CTTNBP2: variants seen among roughly 807,000 people sequenced by gnomAD.
The protein encoded by CTTNBP2 is cortactin-binding protein 2.
CTTNBP2 carries 108 observed loss-of-function variants against 156.9 expected under a neutral mutation model. The observed-to-expected ratio is 0.69, with a 90% confidence interval of 0.59 to 0.81. The LOEUF is 0.81. Among genes scored for constraint, CTTNBP2 ranks in the 30% least tolerant of loss-of-function variants. The pLI is 0.00. For synonymous variants in CTTNBP2, 767 were observed against 751.8 expected (o/e 1.02, Z -0.33); for missense variants, 1,924 against 2,035.4 (o/e 0.95, Z 1.05).
intron 10 of CTTNBP2, among the ~76,000 whole-genome samples, chr7:117,758,367 T>C (rs1017599330): frequency 2.3e-4 from 35 of 152,110 alleles, no homozygotes; most frequent in African/African-American, 7.9e-4. Flanking sequence ...AGATCATTTA[T>C]GATCTGGTCC....
At chr7:117,861,083 C>T in intron 2 of CTTNBP2, 126 bp downstream of exon 2, 1 of 640,158 alleles carries the variant, frequency 1.6e-6, no homozygotes, top group Non-Finnish European at 2.8e-6. Flanking sequence ...GTGAAGAGCA[C>T]ATTTTGACCT....
intron 2 of CTTNBP2, among the ~76,000 whole-genome samples, chr7:117,813,807 A>G (rs1313495477): frequency 1.3e-5 from 2 of 152,298 alleles, no homozygotes; most frequent in East Asian, 1.9e-4. Context: ...TCACAGCACA[A>G]TTCTCTGCAG....
rs529209464 is a variant in CTTNBP2, at chr7:117,865,490, G to A, written c.82-4174C>T. ...AGCCTGGGCAACATGGTGAAACCCC[G>A]TCTCTACTAAAATACAAAAAAAAAA... On this transcript the variant is annotated intron_variant, in intron 1 of 22. Coordinates refer to ENST00000160373, the MANE Select transcript of CTTNBP2 (RefSeq NM_033427.3). Among the ~76,000 whole-genome samples the A allele has an allele frequency of 5.3e-3, 791 of 149,466 alleles. 8 individuals carry two copies. The highest frequency in any genetic ancestry group is 0.017 in the African/African-American group (694 of 40,602).
rs35097363 is a variant in CTTNBP2 at position 117,867,203 on chromosome 7, A to G, written c.82-5887T>C. On this transcript the variant is annotated intron_variant, in intron 1 of 22. Coordinates refer to ENST00000160373, the MANE Select transcript of CTTNBP2 (RefSeq NM_033427.3). ...TTATCTTCCCGATTTCTCTCTCTAC[A>G]AGGAGGAAAGAATTTTTGTGATGGG... 4.0e-3 allele frequency among the ~76,000 whole-genome samples: 603 copies of G among 152,272 alleles called. 5 individuals are homozygous for G. Among genetic ancestry groups the G allele is most frequent in the African/African-American group, 0.014 (579 of 41,562 alleles).
chr7:117,725,065 G>A lies in CTTNBP2; in HGVS notation c.4248C>T (p.Pro1416=). 1 of 1,612,388 alleles carries A rather than the reference G, an allele frequency of 6.2e-7. No homozygotes were observed. ...AAACCCACATACCTGCTCTGGGGAG[G>A]GGACAGCCATGCAGTACAGCTTTAT... The part of the protein sequence containing the change: ...LLNKAVLHGC[P]LPRAELDQHT... The change falls in exon 18 of 23, where the codon CCC becomes CCT. Residue 1416 remains proline, a synonymous_variant. Transcript: ENST00000160373.
intron 2 of CTTNBP2, among the ~76,000 whole-genome samples, chr7:117,855,838 T>G (rs1401298005): frequency 2.0e-5 from 3 of 152,224 alleles, no homozygotes; most frequent in African/African-American, 7.2e-5. Context: ...GAACAATTAA[T>G]TTTAAATATA....
In CTTNBP2 at chr7:117,871,843, TTCACAC is replaced by T. The variant is rs1804620110; in HGVS notation, c.81+1486_81+1491del. On this transcript the variant is annotated intron_variant, in intron 1 of 22. Coordinates refer to ENST00000160373, the MANE Select transcript of CTTNBP2 (RefSeq NM_033427.3). ...CCCTCTTTCTTTTTCGTCCTTCCCC[TTCACAC>T]ACACACACACACACACACACACACA... The T allele has an allele frequency of 1.6e-5, 5 of 303,292 alleles. 1 individual carries two copies. The African/African-American group carries it at 6.5e-4, about 39-fold the overall frequency. 18.8% of individuals were successfully genotyped at this position (303,292 alleles called of 1,614,324 possible).
intron 2 of CTTNBP2, among the ~76,000 whole-genome samples, chr7:117,857,729 T>C (rs1186849449): frequency 6.6e-6 from 1 of 152,064 alleles, no homozygotes; most frequent in Non-Finnish European, 1.5e-5. Flanking sequence ...CACAGTTGAA[T>C]AGCAGCACAC....
At chr7:117,780,415 G>A in intron 7 of CTTNBP2, 26 bp downstream of exon 7, 6 of 1,457,530 alleles carry the variant, frequency 4.1e-6, no homozygotes, top group Non-Finnish European at 5.5e-6. Flanking sequence ...ATATATACAG[G>A]GGGAAAAAAA....
intron 2 of CTTNBP2, among the ~76,000 whole-genome samples, chr7:117,817,347 A>ATT (rs60561571): frequency 1.7e-4 from 8 of 48,426 alleles, no homozygotes; most frequent in African/African-American, 5.5e-4. Flanking sequence ...AAAAAAAAAA[A>ATT]AAAAAAAAAA....
Position 117,718,130 on chromosome 7 carries a change from C to G in CTTNBP2, c.4645-11G>C, listed in dbSNP as rs777145688. The G allele has an allele frequency of 3.2e-6, 5 of 1,572,036 alleles. No homozygotes were observed. The highest frequency in any genetic ancestry group is 2.7e-5 in the African/African-American group (2 of 74,128). The stretch of plus-strand genomic sequence containing the variant: ...CCTGGAATCAGCAATCTAGAAAATA[C>G]AGAATTTGCCCGGTCATGTCTCCAC... On this transcript the variant is annotated splice_polypyrimidine_tract_variant and intron_variant, in intron 21 of 22. Transcript: ENST00000160373.
chr7:117,784,673 T>TA (rs925851187), intron 4 of CTTNBP2, among the ~76,000 whole-genome samples: 14 of 152,212 alleles, frequency 9.2e-5, no homozygotes, highest in Non-Finnish European at 2.1e-4. Context: ...ACATACATGG[T>TA]AAAAAATTAT....
chr7:117,826,633 T>C (rs2117054185), intron 2 of CTTNBP2, among the ~76,000 whole-genome samples: 2 of 152,170 alleles, frequency 1.3e-5, no homozygotes, highest in South Asian at 4.1e-4. Flanking sequence ...CCTGAATTGA[T>C]ACCATTTTCT....
intron 22 of CTTNBP2, 54 bp downstream of exon 22, chr7:117,717,964 G>T: frequency 9.0e-7 from 1 of 1,106,538 alleles, no homozygotes; most frequent in Non-Finnish European, 1.4e-6. Flanking sequence ...GATTTGTGAA[G>T]TCAATTCCAC....
chr7:117,847,441 C>T (rs1043742368), intron 2 of CTTNBP2, among the ~76,000 whole-genome samples: 17 of 152,170 alleles, frequency 1.1e-4, no homozygotes, highest in African/African-American at 3.9e-4. Flanking sequence ...GAGGCTGAGG[C>T]AGGAGAATTG....
chr7:117,853,305 T>C (rs1803048703), intron 2 of CTTNBP2, among the ~76,000 whole-genome samples: 1 of 152,212 alleles, frequency 6.6e-6, no homozygotes, highest in Non-Finnish European at 1.5e-5. Flanking sequence ...AGTTTACTTT[T>C]AGCTGGTTGT....
chr7:117,765,211 C>T (rs1165431163), intron 9 of CTTNBP2, among the ~76,000 whole-genome samples: 2 of 152,226 alleles, frequency 1.3e-5, no homozygotes, highest in African/African-American at 4.8e-5. Context: ...GCTGGGATTA[C>T]AGACGTGAGC....
At chr7:117,840,543 A>C (rs979088747) in intron 2 of CTTNBP2, among the ~76,000 whole-genome samples, 3 of 152,060 alleles carry the variant, frequency 2.0e-5, no homozygotes, top group African/African-American at 7.2e-5. Flanking sequence ...ACAACAACAA[A>C]AATTCTTTTC....
At chr7:117,841,334 T>C (rs117756791) in intron 2 of CTTNBP2, among the ~76,000 whole-genome samples, 155 of 152,294 alleles carry the variant, frequency 1.0e-3, no homozygotes, top group Non-Finnish European at 1.7e-3. Flanking sequence ...GAAAATTGTT[T>C]TGAACTCATG....
Sources: gnomAD v4.1 joint callset for allele counts (sites outside exome capture counted in the v4.1 genomes callset) on GRCh38, gnomAD v4.1.1 for gene constraint, MANE v1.5 for transcripts, NCBI Gene and HGNC (gene_info 2026-07-23, HGNC 2026-07-21) for gene names.